ERMP1: variants seen among roughly 807,000 people sequenced by gnomAD.
The protein encoded by ERMP1 is Felix-ina.
A neutral mutation model predicts 92.0 loss-of-function variants in ERMP1; 86 were observed. The observed-to-expected ratio is 0.93, with a 90% CI of 0.79 to 1.12. The LOEUF is 1.12. Among genes scored for constraint, ERMP1 ranks in the 50% most tolerant of loss-of-function variants. ERMP1 has a pLI of 0.00. For missense variants in ERMP1, 1,342 were observed against 1,116.3 expected (o/e 1.20, Z -2.88); for synonymous variants, 530 against 412.8 (o/e 1.28, Z -3.44).
At chr9:5,792,142 G>C (rs1245582767) in intron 13 of ERMP1, among the ~76,000 whole-genome samples, 1 of 152,132 alleles carries the variant, frequency 6.6e-6, no homozygotes, top group Non-Finnish European at 1.5e-5. Flanking sequence ...GCAGTGCAAA[G>C]GGAGTGCTGA....
chr9:5,829,187 C>CATGCCAGT, intron 2 of ERMP1, among the ~76,000 whole-genome samples: 1 of 147,962 alleles, frequency 6.8e-6, no homozygotes. Context: ...TGCATGCCAG[C>CATGCCAGT]CTGGTGACAG....
intron 6 of ERMP1, among the ~76,000 whole-genome samples, chr9:5,846,446 C>T (rs931865340): frequency 6.6e-6 from 1 of 152,184 alleles, no homozygotes; most frequent in African/African-American, 2.4e-5. Context: ...CCTCCCTTGG[C>T]CATTTCACAG....
chr9:5,803,324 C>A (rs1365057634), intron 10 of ERMP1, among the ~76,000 whole-genome samples: 1 of 152,180 alleles, frequency 6.6e-6, no homozygotes, highest in African/African-American at 2.4e-5. Context: ...AGTGAGCTTT[C>A]TAAAGTATTC....
intron 13 of ERMP1, chr9:5,791,171 C>T: frequency 2.2e-6 from 1 of 455,014 alleles, no homozygotes; most frequent in Non-Finnish European, 4.4e-6. Flanking sequence ...AGGATGTGTA[C>T]AGAGAGAAAG....
chr9:5,859,002 A>T (rs1830423408), intron 6 of ERMP1, among the ~76,000 whole-genome samples: 1 of 152,218 alleles, frequency 6.6e-6, no homozygotes, highest in Admixed American at 6.5e-5. Context: ...CATACTTGCA[A>T]GAACCTTGAG....
At chr9:5,809,182 G>A (rs201263559) in intron 8 of ERMP1, among the ~76,000 whole-genome samples, 6 of 151,980 alleles carry the variant, frequency 3.9e-5, no homozygotes, top group South Asian at 2.1e-4. Flanking sequence ...CACCTCGCCC[G>A]GCTAATTTTT....
chr9:5,787,398 C>T, intron 14 of ERMP1, 32 bp downstream of exon 14: 1 of 1,608,270 alleles, frequency 6.2e-7, no homozygotes, highest in East Asian at 2.2e-5. Flanking sequence ...GGAACCTAAT[C>T]AATGAAACAA....
At chr9:5,811,859 G>C (rs1281935608) in intron 6 of ERMP1, among the ~76,000 whole-genome samples, 1 of 151,836 alleles carries the variant, frequency 6.6e-6, no homozygotes, top group Admixed American at 6.6e-5. Flanking sequence ...GAGACTAACA[G>C]AGCTACATTC....
chr9:5,811,291 C>G lies in ERMP1; in HGVS notation c.1147G>C (p.Ala383Pro). 1 of 1,612,580 alleles carries G rather than the reference C, an allele frequency of 6.2e-7. No homozygotes were observed. Among genetic ancestry groups the G allele is most frequent in the Non-Finnish European group, 8.5e-7 (1 of 1,179,658 alleles). ...DNILAVLKHL[A>P]TSDMLAAASK... Reference sequence around the variant, plus strand: ...GCAGCAGCCAGCATATCAGATGTAGCTAGATGCTTAAGAACTGCTAAAATG... The same window carrying G: ...GCAGCAGCCAGCATATCAGATGTAGGTAGATGCTTAAGAACTGCTAAAATG... The change falls in exon 7 of 15, where the codon GCT (alanine) becomes CCT (proline). Residue 383 changes from alanine to proline, a missense_variant. Ala to Pro is a conservative substitution (Grantham distance 27). Coordinates refer to ENST00000339450, the MANE Select transcript of ERMP1 (RefSeq NM_024896.3).
chr9:5,825,825 A>T (rs1829711153), intron 2 of ERMP1, among the ~76,000 whole-genome samples: 1 of 152,218 alleles, frequency 6.6e-6, no homozygotes, highest in Non-Finnish European at 1.5e-5. Flanking sequence ...TAGGTCCCAG[A>T]ACACACACTC....
intron 2 of ERMP1, among the ~76,000 whole-genome samples, chr9:5,830,417 G>C (rs1424210608): frequency 6.6e-6 from 1 of 152,040 alleles, no homozygotes; most frequent in Non-Finnish European, 1.5e-5. Flanking sequence ...CCTAACTCCA[G>C]GACACTAGGA....
At position 5,833,078 on chromosome 9, in the gene ERMP1, GGCCGCCGCC is replaced by G. The variant is rs754049190; in HGVS notation, c.-60_-52del. ...AACCGCCCCAACCCGCGACAGCCCC[GGCCGCCGCC>G]GACGCCGCCGTCGCTGCCGCAGCGC... On this transcript the variant is annotated 5_prime_UTR_variant, in exon 1 of 15. Transcript: ENST00000339450. The G allele has an allele frequency of 3.0e-6, 4 of 1,336,906 alleles. No homozygotes were observed. Among genetic ancestry groups the G allele is most frequent in the Admixed American group, 7.0e-5 (2 of 28,480 alleles). 82.8% of individuals were successfully genotyped at this position (1,336,906 alleles called of 1,614,324 possible).
rs1470727140 is a variant in ERMP1, at chr9:5,805,792, G to T, written c.1549-7C>A. 1 of 1,586,164 alleles carries T rather than the reference G, an allele frequency of 6.3e-7. No individual in the cohort carries two copies. Among genetic ancestry groups the T allele is most frequent in the East Asian group, 2.3e-5 (1 of 44,104 alleles). ...GATACTGGGCACTGGCATTCTGAAA[G>T]AAAGAAAAATATACAAGTAGTCTCA... On this transcript the variant is annotated splice_region_variant and splice_polypyrimidine_tract_variant and intron_variant, in intron 8 of 14. Coordinates refer to ENST00000339450, the MANE Select transcript of ERMP1 (RefSeq NM_024896.3).
At chr9:5,805,556 GCC>G in intron 9 of ERMP1, 53 bp downstream of exon 9, 1 of 1,418,666 alleles carries the variant, frequency 7.0e-7, no homozygotes, top group Non-Finnish European at 9.4e-7. Flanking sequence ...GTCCCTGAAA[GCC>G]TTAAGTATTT....
chr9:5,809,461 A>G (rs1829004412), intron 8 of ERMP1, among the ~76,000 whole-genome samples: 1 of 152,238 alleles, frequency 6.6e-6, no homozygotes, highest in South Asian at 2.1e-4. Flanking sequence ...TTTTAACTCC[A>G]ATGACATACA....
chr9:5,842,109 A>T (rs1432148468), intron 6 of ERMP1, among the ~76,000 whole-genome samples: 1 of 152,178 alleles, frequency 6.6e-6, no homozygotes, highest in Non-Finnish European at 1.5e-5. Context: ...TTGTGAAAAC[A>T]GAAAGAACAA....
At chr9:5,825,537 A>T (rs561752408) in intron 2 of ERMP1, among the ~76,000 whole-genome samples, 1 of 152,360 alleles carries the variant, frequency 6.6e-6, no homozygotes, top group African/African-American at 2.4e-5. Flanking sequence ...TATTCTCAGC[A>T]AACCAAGGCA....
At position 5,813,853 on chromosome 9, in the gene ERMP1, A is replaced by AATTTATATAATTATATAATTATACGTAT. The variant is rs1343943806; in HGVS notation, c.875-846_875-819dup. Reference sequence around the variant, plus strand: ...AGGATAGTGGGATACATTGTTTTATAATTTATATAATTATATAATTATACG... The same window carrying AATTTATATAATTATATAATTATACGTAT: ...AGGATAGTGGGATACATTGTTTTATAATTTATATAATTATATAATTATACGTATATTTATATAATTATATAATTATACG... On this transcript the variant is annotated intron_variant, in intron 4 of 14. Transcript: ENST00000339450. 7.4e-5 allele frequency among the ~76,000 whole-genome samples: 11 copies of AATTTATATAATTATATAATTATACGTAT among 148,508 alleles called. No individual in the cohort carries two copies. The East Asian group carries it at 1.8e-3, about 24-fold the overall frequency.
intron 6 of ERMP1, among the ~76,000 whole-genome samples, chr9:5,841,982 G>C (rs949588212): frequency 2.0e-5 from 3 of 152,110 alleles, no homozygotes; most frequent in Non-Finnish European, 2.9e-5. Flanking sequence ...TTTTCCTCCT[G>C]GTGGGTTCAT....
Sources: allele counts gnomAD v4.1 joint callset (sites outside exome capture counted in the v4.1 genomes callset), GRCh38; gene constraint gnomAD v4.1.1; transcripts MANE v1.5; gene names NCBI Gene and HGNC (gene_info 2026-07-23, HGNC 2026-07-21).